The following PRTFDC1 variants were observed in gnomAD, a reference collection of about 807,000 sequenced individuals.
PRTFDC1 encodes the protein phosphoribosyltransferase domain-containing protein 1.
PRTFDC1 carries 38 observed loss-of-function variants against 34.6 expected under a neutral mutation model. The ratio of observed to expected loss-of-function variants is 1.10; its 90% CI spans 0.85 to 1.44. The LOEUF (loss-of-function observed/expected upper bound fraction) is 1.44, where lower values mean the gene tolerates loss of function less well. PRTFDC1 is among the 40% of genes most tolerant of loss of function. The pLI, the probability that PRTFDC1 is intolerant of heterozygous loss-of-function variation, is 0.00. For synonymous variants in PRTFDC1, 93 were observed against 98.1 expected (o/e 0.95, Z 0.31); for missense variants, 270 against 283.0 (o/e 0.95, Z 0.33).
chr10:24,921,897 A>G (rs1241236922), intron 3 of PRTFDC1, among the ~76,000 whole-genome samples: 2 of 152,204 alleles, frequency 1.3e-5, no homozygotes, highest in Admixed American at 6.5e-5. Flanking sequence ...AAACTCATGC[A>G]AGAAAGGAAT....
At chr10:24,932,121 A>T (rs934187546) in intron 3 of PRTFDC1, among the ~76,000 whole-genome samples, 2 of 151,974 alleles carry the variant, frequency 1.3e-5, no homozygotes, top group Non-Finnish European at 2.9e-5. Flanking sequence ...GATGATATTC[A>T]TTCATAATTT....
chr10:24,867,335 AG>A (rs1847797366), intron 4 of PRTFDC1, among the ~76,000 whole-genome samples: 3 of 152,282 alleles, frequency 2.0e-5, no homozygotes, highest in East Asian at 3.9e-4. Flanking sequence ...CTGTAGTTCA[AG>A]TGCTCCTGCA....
intron 3 of PRTFDC1, among the ~76,000 whole-genome samples, chr10:24,932,134 TA>T (rs1848982205): frequency 6.6e-6 from 1 of 151,892 alleles, no homozygotes; most frequent in Non-Finnish European, 1.5e-5. Flanking sequence ...CATAATTTTT[TA>T]AGAAAATATG....
intron 3 of PRTFDC1, among the ~76,000 whole-genome samples, chr10:24,879,414 G>A (rs1172522565): frequency 6.6e-6 from 1 of 151,934 alleles, no homozygotes; most frequent in Non-Finnish European, 1.5e-5. Context: ...TGCGACCTTG[G>A]CTCACTGCAA....
chr10:24,924,958 C>T (rs1165000766), intron 3 of PRTFDC1, among the ~76,000 whole-genome samples: 1 of 152,170 alleles, frequency 6.6e-6, no homozygotes, highest in African/African-American at 2.4e-5. Context: ...ACCCAGGGAT[C>T]CCATTACTGG....
rs772172402 is a variant in PRTFDC1 at position 24,851,409 on chromosome 10, A to G, written c.609T>C (p.Asn203=). 1.9e-6 allele frequency: 3 copies of G among 1,612,780 alleles called. No homozygotes were observed. Among genetic ancestry groups the G allele is most frequent in the Non-Finnish European group, 8.5e-7 (1 of 1,179,742 alleles). The change falls in exon 8 of 9, where the codon AAT becomes AAC. Residue 203 remains asparagine (N), a synonymous_variant. Transcript: ENST00000320152. ...LFVVGYALDY[N]EYFRDLNHIC... Reference sequence around the variant, plus strand: ...TTACATTCAGATCTCTGAAGTATTCATTGTAATCTAAGGCATATCCCACCA... The same window carrying G: ...TTACATTCAGATCTCTGAAGTATTCGTTGTAATCTAAGGCATATCCCACCA...
rs1847874167 is a variant in PRTFDC1 at position 24,871,871 on chromosome 10, G to A, written c.405+127C>T. 1.1e-5 allele frequency: 8 copies of A among 705,824 alleles called. No individual in the cohort carries two copies. In the East Asian group the frequency reaches 1.4e-4, roughly 12 times the overall value. 43.7% of individuals were successfully genotyped at this position (705,824 alleles called of 1,614,324 possible). ...AGGGGAGATCATTAAAAGGATTCAC[G>A]CAGCCATTTGTATGAATTGGAAAAC... On this transcript the variant is annotated intron_variant, in intron 4 of 8. Coordinates refer to ENST00000320152, the MANE Select transcript of PRTFDC1 (RefSeq NM_020200.7).
At chr10:24,889,027 C>T (rs376176888) in intron 3 of PRTFDC1, among the ~76,000 whole-genome samples, 1 of 152,100 alleles carries the variant, frequency 6.6e-6, no homozygotes, top group African/African-American at 2.4e-5. Flanking sequence ...TTACCCCCCT[C>T]CCCGACCCTG....
intron 4 of PRTFDC1, among the ~76,000 whole-genome samples, chr10:24,867,384 T>A (rs1847798697): frequency 6.6e-6 from 1 of 152,170 alleles, no homozygotes; most frequent in Non-Finnish European, 1.5e-5. Context: ...CTCTCTCCTC[T>A]CTTTCAGCCA....
At chr10:24,862,348 T>C (rs1052022481) in intron 4 of PRTFDC1, among the ~76,000 whole-genome samples, 3 of 152,070 alleles carry the variant, frequency 2.0e-5, no homozygotes, top group African/African-American at 7.2e-5. Flanking sequence ...ACAGTCTCTT[T>C]TGCAGTATAG....
At chr10:24,875,762 A>G (rs1847951578) in intron 3 of PRTFDC1, among the ~76,000 whole-genome samples, 1 of 151,818 alleles carries the variant, frequency 6.6e-6, no homozygotes. Context: ...TGTCTACTTC[A>G]ACATTAATTA....
At chr10:24,891,343 A>T (rs913109516) in intron 3 of PRTFDC1, among the ~76,000 whole-genome samples, 3 of 152,094 alleles carry the variant, frequency 2.0e-5, no homozygotes, top group African/African-American at 7.2e-5. Context: ...AATATAACAA[A>T]ACCTTGCTTT....
intron 3 of PRTFDC1, among the ~76,000 whole-genome samples, chr10:24,890,075 A>C (rs906641237): frequency 6.6e-6 from 1 of 152,204 alleles, no homozygotes; most frequent in African/African-American, 2.4e-5. Context: ...TGTTTTTGAA[A>C]TCACAGTGAA....
At chr10:24,856,580 A>G (rs1847580433) in intron 6 of PRTFDC1, among the ~76,000 whole-genome samples, 1 of 152,180 alleles carries the variant, frequency 6.6e-6, no homozygotes. Context: ...GCAACAGAGC[A>G]AGACTCTGTC....
At chr10:24,855,200 A>G (rs1847551549) in intron 7 of PRTFDC1, 118 bp downstream of exon 7, 2 of 970,594 alleles carry the variant, frequency 2.1e-6, no homozygotes, top group African/African-American at 3.3e-5. Flanking sequence ...AGCCCTACAC[A>G]GTTTCAAATC....
intron 3 of PRTFDC1, among the ~76,000 whole-genome samples, chr10:24,924,259 C>T (rs569775673): frequency 1.0e-3 from 153 of 152,292 alleles, no homozygotes; most frequent in Non-Finnish European, 1.3e-3. Flanking sequence ...ACTTCCCCAA[C>T]CTAGCAAGGC....
At chr10:24,922,698 C>G (rs532811629) in intron 3 of PRTFDC1, among the ~76,000 whole-genome samples, 46 of 152,216 alleles carry the variant, frequency 3.0e-4, no homozygotes, top group Non-Finnish European at 5.9e-4. Context: ...TGAATAGGAA[C>G]AGCTCCAGTC....
At chr10:24,878,735 G>A (rs1848013301) in intron 3 of PRTFDC1, among the ~76,000 whole-genome samples, 2 of 152,204 alleles carry the variant, frequency 1.3e-5, no homozygotes, top group South Asian at 2.1e-4. Context: ...AAAACAAACC[G>A]AGGAAGAATA....
intron 5 of PRTFDC1, among the ~76,000 whole-genome samples, chr10:24,857,460 C>G (rs542639090): frequency 6.6e-6 from 1 of 152,174 alleles, no homozygotes; most frequent in South Asian, 2.1e-4. Context: ...TGAGAGGTGT[C>G]TGGACAGCAG....
Sources: gnomAD v4.1 joint callset for allele counts (sites outside exome capture counted in the v4.1 genomes callset) on GRCh38, gnomAD v4.1.1 for gene constraint, MANE v1.5 for transcripts, NCBI Gene and HGNC (gene_info 2026-07-23, HGNC 2026-07-21) for gene names.